TBC1D22A: variants seen among roughly 807,000 people sequenced by gnomAD.
TBC1D22A encodes TBC1 domain family member 22A.
A neutral mutation model predicts 60.2 loss-of-function variants in TBC1D22A; 38 were observed. The observed-to-expected ratio is 0.63, with a 90% CI of 0.49 to 0.83. The LOEUF (loss-of-function observed/expected upper bound fraction) is 0.83. Among genes scored for constraint, TBC1D22A ranks in the 40% least tolerant of loss-of-function variants. TBC1D22A has a pLI of 0.00. For synonymous variants in TBC1D22A, 302 were observed against 281.7 expected (o/e 1.07, Z -0.72); for missense variants, 628 against 701.0 (o/e 0.90, Z 1.18).
intron 4 of TBC1D22A, among the ~76,000 whole-genome samples, chr22:46,852,298 G>A (rs1025165200): frequency 1.2e-4 from 18 of 152,212 alleles, no homozygotes; most frequent in Non-Finnish European, 4.4e-5. Context: ...TTCCCGGCCC[G>A]CAGAGAACTT....
At chr22:47,119,899 G>T (rs368235362) in intron 12 of TBC1D22A, among the ~76,000 whole-genome samples, 1 of 152,184 alleles carries the variant, frequency 6.6e-6, no homozygotes, top group South Asian at 2.1e-4. Flanking sequence ...AGGGCGCCTC[G>T]TTACTGCATC....
intron 4 of TBC1D22A, among the ~76,000 whole-genome samples, chr22:46,821,605 C>G (rs1434787981): frequency 6.6e-6 from 1 of 152,126 alleles, no homozygotes; most frequent in East Asian, 1.9e-4. Context: ...AGAGTTTATG[C>G]TGTTAGTCTG....
intron 11 of TBC1D22A, among the ~76,000 whole-genome samples, chr22:47,082,534 C>G (rs1198472626): frequency 6.6e-6 from 1 of 152,230 alleles, no homozygotes; most frequent in Non-Finnish European, 1.5e-5. Context: ...CTATAGCTAA[C>G]ATTACAAATA....
chr22:46,815,010 A>G (rs947174009), intron 4 of TBC1D22A, among the ~76,000 whole-genome samples: 3 of 152,178 alleles, frequency 2.0e-5, no homozygotes, highest in South Asian at 2.1e-4. Flanking sequence ...CTTTGAAAAC[A>G]TGATTGTTCA....
At chr22:47,065,046 C>T (rs1010371780) in intron 11 of TBC1D22A, among the ~76,000 whole-genome samples, 29 of 152,184 alleles carry the variant, frequency 1.9e-4, no homozygotes, top group African/African-American at 6.8e-4. Flanking sequence ...TGCAGTGGCA[C>T]GATCTCGGCC....
At chr22:46,897,653 T>TG (rs2068758226) in intron 7 of TBC1D22A, among the ~76,000 whole-genome samples, 38 of 15,830 alleles carry the variant, frequency 2.4e-3, no homozygotes, top group Non-Finnish European at 6.9e-3. Flanking sequence ...TTTTTTTGTG[T>TG]TTTTTTTTTT....
chr22:46,989,151 G>C (rs1018552812), intron 9 of TBC1D22A, among the ~76,000 whole-genome samples: 5 of 152,192 alleles, frequency 3.3e-5, no homozygotes, highest in African/African-American at 1.2e-4. Flanking sequence ...TAGAATTAAA[G>C]AGAATTAGGG....
At chr22:47,084,620 C>T (rs900524957) in intron 11 of TBC1D22A, among the ~76,000 whole-genome samples, 13 of 152,092 alleles carry the variant, frequency 8.5e-5, no homozygotes, top group African/African-American at 2.9e-4. Flanking sequence ...GGAGCAGAAC[C>T]TAAGTATTCA....
At chr22:47,108,470 C>T (rs1225629478) in intron 11 of TBC1D22A, among the ~76,000 whole-genome samples, 1 of 152,166 alleles carries the variant, frequency 6.6e-6, no homozygotes, top group Non-Finnish European at 1.5e-5. Context: ...TATATGATTC[C>T]CTTTATTTGA....
At chr22:46,937,388 ACAT>A (rs1273575278) in intron 8 of TBC1D22A, among the ~76,000 whole-genome samples, 3 of 152,182 alleles carry the variant, frequency 2.0e-5, no homozygotes, top group Admixed American at 6.5e-5. Context: ...TCACCTGGTG[ACAT>A]CATGGCCATT....
chr22:46,890,948 T>G (rs941202298), intron 5 of TBC1D22A, among the ~76,000 whole-genome samples: 7 of 152,208 alleles, frequency 4.6e-5, no homozygotes, highest in African/African-American at 1.7e-4. Flanking sequence ...AGCCCTGTTG[T>G]AGAAGAGCCT....
intron 11 of TBC1D22A, among the ~76,000 whole-genome samples, chr22:47,054,140 C>T (rs2063314475): frequency 6.6e-6 from 1 of 152,168 alleles, no homozygotes; most frequent in African/African-American, 2.4e-5. Flanking sequence ...TCAAGAGCCC[C>T]CCAGCACCCA....
intron 11 of TBC1D22A, among the ~76,000 whole-genome samples, chr22:47,059,821 A>G (rs562696485): frequency 6.6e-6 from 1 of 152,286 alleles, no homozygotes; most frequent in South Asian, 2.1e-4. Flanking sequence ...GATTATTACT[A>G]AAGATGGTTT....
chr22:46,839,769 G>A (rs1262476611), intron 4 of TBC1D22A, among the ~76,000 whole-genome samples: 1 of 152,202 alleles, frequency 6.6e-6, no homozygotes, highest in Non-Finnish European at 1.5e-5. Context: ...GGAATGTAAA[G>A]TAGAGAGCTC....
intron 5 of TBC1D22A, among the ~76,000 whole-genome samples, chr22:46,891,020 C>T (rs60095322): frequency 0.054 from 8,186 of 152,178 alleles, 683 homozygotes; most frequent in African/African-American, 0.18. Flanking sequence ...GGGCCTGCAC[C>T]GGGAGGCTGC....
chr22:46,877,953 C>G (rs2067643988), intron 4 of TBC1D22A, among the ~76,000 whole-genome samples: 1 of 152,094 alleles, frequency 6.6e-6, no homozygotes, highest in African/African-American at 2.4e-5. Context: ...CCTTCCCTGC[C>G]CTTGGAGGTG....
At chr22:47,017,381 C>T (rs2061945678) in intron 10 of TBC1D22A, among the ~76,000 whole-genome samples, 1 of 152,186 alleles carries the variant, frequency 6.6e-6, no homozygotes, top group Non-Finnish European at 1.5e-5. Context: ...TGAGGGGTCG[C>T]CTTCTTCTCT....
At chr22:46,913,360 A>G (rs1367681708) in intron 8 of TBC1D22A, 7 of 1,366,422 alleles carry the variant, frequency 5.1e-6, no homozygotes, top group Non-Finnish European at 6.9e-6. Flanking sequence ...TCGGCCTCAG[A>G]TTCCCATCCT....
At chr22:47,129,494 CAAAA>C (rs1183549333) in intron 12 of TBC1D22A, among the ~76,000 whole-genome samples, 1 of 152,124 alleles carries the variant, frequency 6.6e-6, no homozygotes, top group Non-Finnish European at 1.5e-5. Context: ...AACAAAAAAA[CAAAA>C]AACCGTAAGA....
Sources: gnomAD v4.1 joint callset for allele counts (sites outside exome capture counted in the v4.1 genomes callset) on GRCh38, gnomAD v4.1.1 for gene constraint, MANE v1.5 for transcripts, NCBI Gene and HGNC (gene_info 2026-07-23, HGNC 2026-07-21) for gene names.